GSTCD: variants seen among roughly 807,000 people sequenced by gnomAD.
GSTCD encodes glutathione S-transferase C-terminal domain-containing protein.
Under a neutral mutation model 68.3 loss-of-function variants are expected in GSTCD, and 44 were observed. That is an observed-to-expected ratio of 0.64 (90% CI 0.51 to 0.83). GSTCD has a LOEUF of 0.83. GSTCD is among the 40% of genes least tolerant of loss of function. The pLI is 0.00. For synonymous variants in GSTCD, 273 were observed against 255.2 expected (o/e 1.07, Z -0.67); for missense variants, 739 against 735.9 (o/e 1.00, Z -0.05).
At chr4:105,730,370 G>C (rs1019049486) in intron 5 of GSTCD, among the ~76,000 whole-genome samples, 3 of 152,180 alleles carry the variant, frequency 2.0e-5, no homozygotes, top group Non-Finnish European at 2.9e-5. Flanking sequence ...CAGTGTAAAA[G>C]TGTTCCTATT....
At chr4:105,727,030 GT>G (rs1448082459) in intron 4 of GSTCD, among the ~76,000 whole-genome samples, 200 bp downstream of exon 4, 1 of 147,776 alleles carries the variant, frequency 6.8e-6, no homozygotes, top group African/African-American at 2.5e-5. Flanking sequence ...TTAGTATTAT[GT>G]ATTTTTGGAG....
chr4:105,727,063 CT>C (rs1733062339), intron 4 of GSTCD, among the ~76,000 whole-genome samples: 2 of 144,236 alleles, frequency 1.4e-5, no homozygotes, highest in Admixed American at 1.4e-4. Context: ...ACAATATATA[CT>C]TTTAAAAAGC....
chr4:105,772,639 G>T (rs1353014576), intron 5 of GSTCD, among the ~76,000 whole-genome samples: 1 of 152,136 alleles, frequency 6.6e-6, no homozygotes, highest in Non-Finnish European at 1.5e-5. Flanking sequence ...CATTGGTTCT[G>T]TTTATATGAT....
At chr4:105,710,211 T>G (rs562961659) in intron 1 of GSTCD, among the ~76,000 whole-genome samples, 2 of 150,742 alleles carry the variant, frequency 1.3e-5, no homozygotes, top group Admixed American at 6.6e-5. Flanking sequence ...AACTTGAGCT[T>G]CTGTAGTAGT....
chr4:105,740,488 C>T (rs1438585197), intron 5 of GSTCD, among the ~76,000 whole-genome samples: 9 of 152,136 alleles, frequency 5.9e-5, no homozygotes, highest in Admixed American at 3.3e-4. Flanking sequence ...TGTACTCCAG[C>T]GCTCTCCTTT....
Position 105,729,516 on chromosome 4 carries a change from C to T in GSTCD, c.1240+17C>T, listed in dbSNP as rs1733157340. 1.9e-6 allele frequency: 3 copies of T among 1,553,858 alleles called. No homozygotes were observed. Among genetic ancestry groups the T allele is most frequent in the Middle Eastern group, 1.7e-4 (1 of 5,902 alleles). On this transcript the variant is annotated intron_variant, in intron 5 of 11. Coordinates refer to ENST00000515279, the MANE Select transcript of GSTCD (RefSeq NM_001370181.1). Reference sequence around the variant, plus strand: ...CAAAGGAAGGTGAGTTTTCTTTTTTCTTTAAGTTTTATTCATACTTTGGAT... The same window carrying T: ...CAAAGGAAGGTGAGTTTTCTTTTTTTTTTAAGTTTTATTCATACTTTGGAT...
At chr4:105,769,231 G>GCACA (rs1464584030) in intron 5 of GSTCD, among the ~76,000 whole-genome samples, 5 of 60,118 alleles carry the variant, frequency 8.3e-5, no homozygotes, top group African/African-American at 3.5e-4. Context: ...CTATACACGC[G>GCACA]CGCACACACA....
chr4:105,766,124 A>C (rs1277133312), intron 5 of GSTCD, among the ~76,000 whole-genome samples: 2 of 152,234 alleles, frequency 1.3e-5, no homozygotes, highest in Non-Finnish European at 2.9e-5. Context: ...TAAATGATAT[A>C]GGTGATGAAA....
At position 105,735,446 on chromosome 4, in the gene GSTCD, G is replaced by A. The variant is rs1733427302; in HGVS notation, c.1240+5947G>A. Among the ~76,000 whole-genome samples, 3 of 152,184 alleles carry A rather than the reference G, an allele frequency of 2.0e-5. No homozygotes were observed. In the South Asian group the frequency reaches 6.2e-4, roughly 31 times the overall value. On this transcript the variant is annotated intron_variant, in intron 5 of 11. Transcript: ENST00000515279. ...AGACTGCTGTGCTAGCAATGAGCAA[G>A]GCTCCGTTGGCGTGGGACCATCTGA... is the stretch of plus-strand genomic sequence containing the variant.
chr4:105,767,374 A>G (rs1317515371), intron 5 of GSTCD, among the ~76,000 whole-genome samples: 3 of 152,204 alleles, frequency 2.0e-5, no homozygotes, highest in African/African-American at 7.2e-5. Context: ...AGTAAACTTA[A>G]GGTTAAACTT....
rs146373704 is a variant in GSTCD, at chr4:105,720,894, G to T, written c.894+1367G>T. On this transcript the variant is annotated intron_variant, in intron 3 of 11. Coordinates refer to ENST00000515279, the MANE Select transcript of GSTCD (RefSeq NM_001370181.1). ...GTGGCATATCCATTCCTTTATTGAAGAAATTTATTAAAATTATTTGAATAC... is the reference window on the plus strand; with the variant it reads ...GTGGCATATCCATTCCTTTATTGAATAAATTTATTAAAATTATTTGAATAC... Among the ~76,000 whole-genome samples, 36 of 152,158 alleles carry T rather than the reference G, an allele frequency of 2.4e-4. No individual in the cohort carries two copies. In the East Asian group the frequency reaches 4.6e-3, roughly 20 times the overall value.
rs1341967841 is a variant in GSTCD, at chr4:105,813,754, C to T, written c.1241-9200C>T. Among the ~76,000 whole-genome samples the T allele has an allele frequency of 1.3e-5, 2 of 152,122 alleles. 1 individual carries two copies. The highest frequency in any genetic ancestry group is 4.1e-4 in the South Asian group (2 of 4,828). ...TATGGAGTGCTTTTTCTCTTGTTTC[C>T]CATGGCTGGCTTCTTCTTTTTATTC... On this transcript the variant is annotated intron_variant, in intron 5 of 11. Coordinates refer to ENST00000515279, the MANE Select transcript of GSTCD (RefSeq NM_001370181.1).
intron 5 of GSTCD, chr4:105,820,958 A>C (rs1275947247): frequency 6.6e-6 from 1 of 151,890 alleles, no homozygotes; most frequent in African/African-American, 2.4e-5. Flanking sequence ...CTTAACAAAA[A>C]CATTCCTTTT....
intron 5 of GSTCD, among the ~76,000 whole-genome samples, chr4:105,746,083 A>C (rs958512567): frequency 3.3e-5 from 5 of 152,126 alleles, no homozygotes; most frequent in Non-Finnish European, 7.4e-5. Context: ...CTGACTCCCC[A>C]TGCAGTTGAA....
At chr4:105,829,187 TAAAA>T (rs761947774) in intron 8 of GSTCD, among the ~76,000 whole-genome samples, 2 of 114,944 alleles carry the variant, frequency 1.7e-5, no homozygotes, top group East Asian at 2.4e-4. Context: ...CAGCTATAAT[TAAAA>T]AAAAAAAAAA....
At chr4:105,718,712 T>A (rs1251574781) in intron 2 of GSTCD, among the ~76,000 whole-genome samples, 6 of 152,202 alleles carry the variant, frequency 3.9e-5, no homozygotes, top group Admixed American at 3.9e-4. Flanking sequence ...ATTTTAGTTA[T>A]GTTGATTTTT....
intron 5 of GSTCD, among the ~76,000 whole-genome samples, chr4:105,799,471 G>T (rs181782591): frequency 6.6e-6 from 1 of 152,154 alleles, no homozygotes; most frequent in South Asian, 2.1e-4. Flanking sequence ...AACACTTAGG[G>T]TCATTGTAGG....
intron 5 of GSTCD, among the ~76,000 whole-genome samples, chr4:105,783,304 C>CA (rs1207234951): frequency 6.6e-6 from 1 of 152,054 alleles, no homozygotes; most frequent in East Asian, 1.9e-4. Context: ...TTTCATTTTA[C>CA]AAAAAAGTAG....
rs183248581 is a variant in GSTCD at position 105,743,234 on chromosome 4, C to G, written c.1240+13735C>G. The stretch of plus-strand genomic sequence containing the variant: ...CAAAGTACTGGGATTACAGGCATGA[C>G]CCACCGCACCCAGCCTGTAATTTCT... On this transcript the variant is annotated intron_variant, in intron 5 of 11. Transcript: ENST00000515279. Among the ~76,000 whole-genome samples the G allele has an allele frequency of 6.6e-3, 1,010 of 152,038 alleles. 7 individuals carry two copies. The highest frequency in any genetic ancestry group is 0.025 in the Admixed American group (379 of 15,260).
Sources: gnomAD v4.1 joint callset for allele counts (sites outside exome capture counted in the v4.1 genomes callset) on GRCh38, gnomAD v4.1.1 for gene constraint, MANE v1.5 for transcripts, NCBI Gene and HGNC (gene_info 2026-07-23, HGNC 2026-07-21) for gene names.